RFX3: variants seen among roughly 807,000 people sequenced by gnomAD.
RFX3 encodes the protein regulatory factor X3.
In RFX3, 14 loss-of-function variants were observed where a neutral mutation model predicts 98.6. The observed-to-expected ratio is 0.14, with a 90% CI of 0.09 to 0.22. The LOEUF is 0.22. Ranked by LOEUF, RFX3 falls within the 10% of genes least tolerant of loss-of-function variation. The pLI is 1.00. For missense variants in RFX3, 639 were observed against 926.9 expected (o/e 0.69, Z 4.03); for synonymous variants, 383 against 328.4 (o/e 1.17, Z -1.80).
chr9:3,480,784 G>A (rs572473676), intron 1 of RFX3, among the ~76,000 whole-genome samples: 3 of 152,150 alleles, frequency 2.0e-5, no homozygotes, highest in Non-Finnish European at 4.4e-5. Context: ...TGTAAAACAG[G>A]AAAAATTATA....
intron 1 of RFX3, among the ~76,000 whole-genome samples, chr9:3,413,912 G>C (rs746615609): frequency 6.6e-6 from 1 of 152,066 alleles, no homozygotes; most frequent in Non-Finnish European, 1.5e-5. Flanking sequence ...GGTAAGGCTA[G>C]TGTTTGGTAC....
At chr9:3,348,084 T>A (rs1834651131) in intron 2 of RFX3, among the ~76,000 whole-genome samples, 1 of 152,214 alleles carries the variant, frequency 6.6e-6, no homozygotes, top group Admixed American at 6.5e-5. Flanking sequence ...ATTTTCTTTC[T>A]CTTTGAATCT....
intron 1 of RFX3, among the ~76,000 whole-genome samples, chr9:3,474,568 G>A (rs547401340): frequency 5.9e-5 from 9 of 152,276 alleles, no homozygotes; most frequent in African/African-American, 1.9e-4. Flanking sequence ...AAAAGGTTTA[G>A]TATCACTGTC....
chr9:3,485,418 G>A (rs902722320), intron 1 of RFX3, among the ~76,000 whole-genome samples: 6 of 152,144 alleles, frequency 3.9e-5, no homozygotes, highest in Non-Finnish European at 4.4e-5. Context: ...TAAGAATATT[G>A]AATTAGTAAG....
intron 1 of RFX3, among the ~76,000 whole-genome samples, chr9:3,481,864 T>G (rs1381539996): frequency 6.6e-6 from 1 of 151,498 alleles, no homozygotes; most frequent in Non-Finnish European, 1.5e-5. Context: ...ATTGCCAAAA[T>G]AAAAAAAATA....
At chr9:3,249,636 C>T (rs1821121479) in intron 14 of RFX3, among the ~76,000 whole-genome samples, 1 of 151,992 alleles carries the variant, frequency 6.6e-6, no homozygotes, top group African/African-American at 2.4e-5. Flanking sequence ...GGCAGAGGAC[C>T]TCTCAATTCT....
intron 1 of RFX3, among the ~76,000 whole-genome samples, chr9:3,409,454 C>T (rs1842273019): frequency 6.6e-6 from 1 of 152,120 alleles, no homozygotes; most frequent in Non-Finnish European, 1.5e-5. Flanking sequence ...GTTGAAATTG[C>T]AATGGAAAAA....
chr9:3,325,655 G>C (rs1449267903), intron 4 of RFX3, among the ~76,000 whole-genome samples: 3 of 151,964 alleles, frequency 2.0e-5, no homozygotes, highest in Non-Finnish European at 4.4e-5. Flanking sequence ...TTTTATGTAA[G>C]AGTGAGTAAA....
chr9:3,524,555 TTA>T, intron 1 of RFX3: 1 of 959,760 alleles, frequency 1.0e-6, no homozygotes, highest in East Asian at 1.2e-4. Flanking sequence ...AATGAGGAGA[TTA>T]AAAAAAAAAA....
chr9:3,273,912 G>T (rs967708490), intron 9 of RFX3, among the ~76,000 whole-genome samples: 11 of 151,598 alleles, frequency 7.3e-5, no homozygotes, highest in African/African-American at 2.4e-4. Context: ...TTAAAGTAAG[G>T]TTCACTTGAA....
At chr9:3,466,766 T>C (rs576856193) in intron 1 of RFX3, among the ~76,000 whole-genome samples, 2 of 152,070 alleles carry the variant, frequency 1.3e-5, no homozygotes, top group Non-Finnish European at 2.9e-5. Flanking sequence ...AATCATCTAC[T>C]GTGGTCAAAT....
intron 14 of RFX3, among the ~76,000 whole-genome samples, chr9:3,250,548 T>G (rs1821246780): frequency 6.6e-6 from 1 of 152,122 alleles, no homozygotes; most frequent in African/African-American, 2.4e-5. Context: ...AATTTGGCAG[T>G]ATTTGTCAAA....
chr9:3,431,167 G>C lies in RFX3; in HGVS notation c.-8-35571C>G, dbSNP rs546705413. On this transcript the variant is annotated intron_variant, in intron 1 of 16. Transcript: ENST00000617270. ...CCTGTGATGCTAATCATCTCTGAGT[G>C]AGCAGTTCATCTTTCCAGTAAATTG... is the stretch of plus-strand genomic sequence containing the variant. 2.6e-5 allele frequency among the ~76,000 whole-genome samples: 4 copies of C among 152,294 alleles called. No individual in the cohort carries two copies. The South Asian group carries it at 8.3e-4, about 32-fold the overall frequency.
intron 2 of RFX3, among the ~76,000 whole-genome samples, chr9:3,394,208 A>C (rs983031400): frequency 5.9e-5 from 9 of 152,184 alleles, no homozygotes; most frequent in African/African-American, 2.2e-4. Flanking sequence ...TCATGCCTGT[A>C]ATCCCAGCAC....
chr9:3,460,985 C>T (rs530956801), intron 1 of RFX3, among the ~76,000 whole-genome samples: 12 of 151,772 alleles, frequency 7.9e-5, no homozygotes, highest in East Asian at 5.8e-4. Context: ...TATAAGATGA[C>T]AGGTTATCAC....
At chr9:3,334,463 A>G (rs151085301) in intron 3 of RFX3, among the ~76,000 whole-genome samples, 434 of 152,344 alleles carry the variant, frequency 2.8e-3, no homozygotes, top group Non-Finnish European at 5.2e-3. Context: ...CATTATACTC[A>G]GTAAAGAACA....
At chr9:3,274,163 G>C (rs979186846) in intron 9 of RFX3, among the ~76,000 whole-genome samples, 1 of 152,152 alleles carries the variant, frequency 6.6e-6, no homozygotes, top group African/African-American at 2.4e-5. Flanking sequence ...TGTTAATAAG[G>C]AGAGAACCTG....
chr9:3,409,241 TTTC>T (rs1169079865), intron 1 of RFX3, among the ~76,000 whole-genome samples: 1 of 152,232 alleles, frequency 6.6e-6, no homozygotes, highest in African/African-American at 2.4e-5. Context: ...GTATAGAAGA[TTTC>T]TTTCTTTTAA....
chr9:3,444,043 A>G (rs1381359723), intron 1 of RFX3, among the ~76,000 whole-genome samples: 1 of 152,202 alleles, frequency 6.6e-6, no homozygotes, highest in Non-Finnish European at 1.5e-5. Flanking sequence ...CATACCTACC[A>G]TATCACCTAA....
Sources: gnomAD v4.1 joint callset for allele counts (sites outside exome capture counted in the v4.1 genomes callset) on GRCh38, gnomAD v4.1.1 for gene constraint, MANE v1.5 for transcripts, NCBI Gene and HGNC (gene_info 2026-07-23, HGNC 2026-07-21) for gene names.